Variants in PTGES3 observed in about 807,000 individuals in gnomAD.
The protein encoded by PTGES3 is Hsp90 co-chaperone.
PTGES3 carries 5 observed loss-of-function variants against 29.9 expected under a neutral mutation model. That is an observed-to-expected ratio of 0.17 (90% CI 0.09 to 0.35). PTGES3 has a LOEUF of 0.35. Among genes scored for constraint, PTGES3 ranks in the 10% least tolerant of loss-of-function variants. PTGES3 has a pLI of 1.00. For synonymous variants in PTGES3, 49 were observed against 57.8 expected, an observed-to-expected ratio of 0.85 and a Z score of 0.69; for missense variants, 128 against 190.0, an observed-to-expected ratio of 0.67 and a Z score of 1.92.
At chr12:56,676,027 G>A (rs763038166) in intron 1 of PTGES3, among the ~76,000 whole-genome samples, 19 of 151,792 alleles carry the variant, frequency 1.3e-4, no homozygotes, top group Non-Finnish European at 2.2e-4. Flanking sequence ...GGGAGTTTGA[G>A]ACCAGTCTGA....
At chr12:56,672,269 C>T (rs952726798) in intron 3 of PTGES3, among the ~76,000 whole-genome samples, 7 of 151,990 alleles carry the variant, frequency 4.6e-5, no homozygotes, top group African/African-American at 4.8e-5. Context: ...TTTGGGAGGC[C>T]GAGGCAGGTG....
At position 56,671,785 on chromosome 12, in the gene PTGES3, G is replaced by T; in HGVS notation, c.249C>A (p.Gly83=). The stretch of plus-strand genomic sequence containing the variant: ...CTTTTGTTAACCTTGGCCATGACTG[G>T]CCAGATTCTCCTTTTCGTAAACAAC... ...ILCCLRKGES[G]QSWPRLTKER... Residue 83 remains glycine, a synonymous_variant, in exon 4 of 8, where the codon GGC becomes GGA. Coordinates refer to ENST00000262033, the MANE Select transcript of PTGES3 (RefSeq NM_006601.7). 3 of 1,573,628 alleles carry T rather than the reference G, an allele frequency of 1.9e-6. No homozygotes were observed. The highest frequency in any genetic ancestry group is 2.4e-5 in the South Asian group (2 of 84,194).
At chr12:56,672,889 A>C in intron 2 of PTGES3, 63 bp downstream of exon 2, 1 of 1,553,788 alleles carries the variant, frequency 6.4e-7, no homozygotes, top group Non-Finnish European at 8.7e-7. Context: ...AAGACAAGCC[A>C]GTCAAAGTTA....
chr12:56,675,455 G>A (rs921832628), intron 1 of PTGES3, among the ~76,000 whole-genome samples: 1 of 150,712 alleles, frequency 6.6e-6, no homozygotes, highest in African/African-American at 2.5e-5. Flanking sequence ...AAAAAACACA[G>A]GAGGCGGAAG....
chr12:56,681,077 A>C (rs959118718), intron 1 of PTGES3, among the ~76,000 whole-genome samples: 2 of 150,102 alleles, frequency 1.3e-5, no homozygotes, highest in African/African-American at 4.9e-5. Flanking sequence ...TGGTCCCCCC[A>C]TTTGTAGTTG....
Position 56,686,424 on chromosome 12 carries a change from A to C in PTGES3, c.2+1574T>G, listed in dbSNP as rs545365437. Among the ~76,000 whole-genome samples, 47 of 152,174 alleles carry C rather than the reference A, an allele frequency of 3.1e-4. No individual in the cohort carries two copies. In the East Asian group the frequency reaches 8.9e-3, roughly 29 times the overall value. On this transcript the variant is annotated intron_variant, in intron 1 of 7. Coordinates refer to ENST00000262033, the MANE Select transcript of PTGES3 (RefSeq NM_006601.7). ...TTTTCACTCTTGTTGCCCAGGCTGG[A>C]GTGCAATGGCATGATCTCGGCTCAC...
Position 56,672,800 on chromosome 12 carries a change from T to A in PTGES3, c.126A>T (p.Gly42=), listed in dbSNP as rs1460227681. ...TTAAATGCTTAAAATTATCACTTCC[T>A]CCGAGACAACTGTATAAAATAATAA... is the stretch of plus-strand genomic sequence containing the variant. ...EKSKLTFSCL[G]GSDNFKHLNE... is the part of the protein sequence containing the mutation. The change falls in exon 3 of 8, where the codon GGA becomes GGT. Residue 42 remains glycine (G), a synonymous_variant. Transcript: ENST00000262033. The A allele has an allele frequency of 2.5e-6, 4 of 1,588,556 alleles. No homozygotes were observed. The highest frequency in any genetic ancestry group is 1.4e-5 in the African/African-American group (1 of 73,448).
intron 1 of PTGES3, among the ~76,000 whole-genome samples, chr12:56,682,080 CAA>C (rs1251380192): frequency 6.6e-6 from 1 of 152,048 alleles, no homozygotes; most frequent in Admixed American, 6.6e-5. Context: ...CTCCTGACCA[CAA>C]GTGACCTGCC....
rs1172340160 is a variant in PTGES3 at position 56,686,209 on chromosome 12, G to GC, written c.2+1788_2+1789insG. Among the ~76,000 whole-genome samples the GC allele has an allele frequency of 6.4e-4, 97 of 152,226 alleles. 1 individual carries two copies. The highest frequency in any genetic ancestry group is 3.4e-3 in the Middle Eastern group (1 of 294). On this transcript the variant is annotated intron_variant, in intron 1 of 7. Transcript: ENST00000262033. ...ATTTTAAACATACTTTTCGCGAAAA[G>GC]ATATGTTGTTTGGCTCTATTATTAA...
intron 1 of PTGES3, among the ~76,000 whole-genome samples, chr12:56,680,974 G>T (rs1229577121): frequency 6.6e-6 from 1 of 151,634 alleles, no homozygotes; most frequent in Non-Finnish European, 1.5e-5. Flanking sequence ...GTCTTACCTT[G>T]TTGCCCAGGC....
chr12:56,673,864 G>C (rs559607179), intron 1 of PTGES3, among the ~76,000 whole-genome samples: 1 of 151,642 alleles, frequency 6.6e-6, no homozygotes, highest in Non-Finnish European at 1.5e-5. Flanking sequence ...TTGAGGGATG[G>C]GACTGAGGCA....
intron 1 of PTGES3, 60 bp from the exon 2 acceptor site, chr12:56,673,125 C>CGTTAA: frequency 2.6e-6 from 3 of 1,157,094 alleles, no homozygotes; most frequent in Non-Finnish European, 3.8e-6. Context: ...CATTCACATA[C>CGTTAA]TAACCTTCGA....
intron 1 of PTGES3, among the ~76,000 whole-genome samples, chr12:56,680,256 T>C (rs1256678371): frequency 1.3e-5 from 2 of 151,846 alleles, no homozygotes; most frequent in Non-Finnish European, 2.9e-5. Context: ...TTCACATTTT[T>C]AGTAGAGATG....
chr12:56,666,934 T>C lies in PTGES3; in HGVS notation c.376-668A>G, dbSNP rs573316955. On this transcript the variant is annotated intron_variant, in intron 5 of 7. Coordinates refer to ENST00000262033, the MANE Select transcript of PTGES3 (RefSeq NM_006601.7). ...GAACCACCATGCCAAGCCTTTTTTA[T>C]TTTGAGATGGAGTCTTGCTCTGTTG... Among the ~76,000 whole-genome samples the C allele has an allele frequency of 4.8e-5, 7 of 146,524 alleles. No individual in the cohort carries two copies. The East Asian group carries it at 1.2e-3, about 26-fold the overall frequency.
intron 1 of PTGES3, among the ~76,000 whole-genome samples, chr12:56,682,750 G>T (rs1322566959): frequency 6.7e-6 from 1 of 149,636 alleles, no homozygotes; most frequent in Non-Finnish European, 1.5e-5. Flanking sequence ...CGGGCGTGGT[G>T]GCTCACACCT....
rs1952971312 is a variant in PTGES3, at chr12:56,688,059, G to A, written c.-60C>T. The A allele has an allele frequency of 4.7e-6, 7 of 1,476,444 alleles. No individual in the cohort carries two copies. Among genetic ancestry groups the A allele is most frequent in the Non-Finnish European group, 6.3e-6 (7 of 1,111,902 alleles). The allele number at this position is 1,476,444 out of a possible 1,614,324, so 91.5% of individuals were successfully genotyped here. ...GCGGGCCTCTCTGGCGGCGGCTGCT[G>A]CTAGGGAGTCGACTTCTCTCCGGTG... is the stretch of plus-strand genomic sequence containing the variant. On this transcript the variant is annotated 5_prime_UTR_variant, in exon 1 of 8. Transcript: ENST00000262033.
In PTGES3 at chr12:56,672,935, T is replaced by C; in HGVS notation, c.116+17A>G. Reference sequence around the variant, plus strand: ...TGAATGACTATTTTACATCATTGGATAAAAAGCTTAACTTACCTGAATGTA... The same window carrying C: ...TGAATGACTATTTTACATCATTGGACAAAAAGCTTAACTTACCTGAATGTA... On this transcript the variant is annotated intron_variant, in intron 2 of 7. Coordinates refer to ENST00000262033, the MANE Select transcript of PTGES3 (RefSeq NM_006601.7). The C allele has an allele frequency of 6.3e-7, 1 of 1,586,688 alleles. No individual in the cohort carries two copies. The highest frequency in any genetic ancestry group is 1.2e-5 in the South Asian group (1 of 86,342).
At chr12:56,668,799 G>A (rs1951880455) in intron 5 of PTGES3, among the ~76,000 whole-genome samples, 1 of 151,712 alleles carries the variant, frequency 6.6e-6, no homozygotes, top group South Asian at 2.1e-4. Flanking sequence ...AACAAGAAAT[G>A]GATTTCATCA....
intron 1 of PTGES3, chr12:56,686,763 C>G (rs1212528662): frequency 2.5e-6 from 1 of 397,456 alleles, no homozygotes; most frequent in Non-Finnish European, 4.4e-6. Flanking sequence ...GCTCTAGAAG[C>G]TTGTTCCCAG....
Sources: allele counts gnomAD v4.1 joint callset (sites outside exome capture counted in the v4.1 genomes callset), GRCh38; gene constraint gnomAD v4.1.1; transcripts MANE v1.5; gene names NCBI Gene and HGNC (gene_info 2026-07-23, HGNC 2026-07-21).